The following UGGT2 variants were observed in gnomAD, a reference collection of about 807,000 sequenced individuals.
The protein encoded by UGGT2 is UDP-glucose:glycoprotein glucosyltransferase 2.
In UGGT2, 180 loss-of-function variants were observed where a neutral mutation model predicts 192.1. The ratio of observed to expected loss-of-function variants is 0.94; its 90% CI spans 0.83 to 1.06. UGGT2 has a LOEUF of 1.06. Among genes scored for constraint, UGGT2 ranks in the 50% least tolerant of loss-of-function variants. The pLI, the probability that UGGT2 is intolerant of heterozygous loss-of-function variation, is 0.00. For synonymous variants in UGGT2, 580 were observed against 591.0 expected, an observed-to-expected ratio of 0.98 and a Z score of 0.27; for missense variants, 1,849 against 1,795.7, an observed-to-expected ratio of 1.03 and a Z score of -0.54.
intron 12 of UGGT2, among the ~76,000 whole-genome samples, chr13:95,969,172 T>A (rs1479718832): frequency 6.6e-6 from 1 of 152,226 alleles, no homozygotes; most frequent in Non-Finnish European, 1.5e-5. Context: ...AATCTTGAAC[T>A]CAGGCTCAAG....
chr13:96,040,447 A>C (rs2053132326), intron 1 of UGGT2, among the ~76,000 whole-genome samples: 2 of 152,154 alleles, frequency 1.3e-5, no homozygotes, highest in Non-Finnish European at 2.9e-5. Flanking sequence ...CCATCTAGAT[A>C]ATCCAAGATG....
Position 95,885,532 on chromosome 13 carries a change from A to G in UGGT2, c.3039-852T>C, listed in dbSNP as rs529023975. Among the ~76,000 whole-genome samples, 67 of 152,322 alleles carry G rather than the reference A, an allele frequency of 4.4e-4. 1 individual carries two copies. Among genetic ancestry groups the G allele is most frequent in the African/African-American group, 1.6e-3 (66 of 41,584 alleles). On this transcript the variant is annotated intron_variant, in intron 26 of 38. Transcript: ENST00000376747. ...CAAGACAAAAGTCACAGTCTTTCAT[A>G]ACCTAATTGCAGAAGGGAAATTCCA...
intron 20 of UGGT2, among the ~76,000 whole-genome samples, chr13:95,920,891 C>A (rs1391993076): frequency 1.3e-5 from 2 of 152,048 alleles, no homozygotes; most frequent in African/African-American, 2.4e-5. Flanking sequence ...GATACAGGAA[C>A]GTGTATGTTC....
chr13:95,801,884 T>C, intron 38 of UGGT2, 72 bp from the exon 39 acceptor site: 2 of 1,572,224 alleles, frequency 1.3e-6, no homozygotes, highest in East Asian at 4.5e-5. Context: ...TACTTACATA[T>C]GATGAGGAAG....
chr13:95,836,033 T>C (rs1887240051), intron 37 of UGGT2, among the ~76,000 whole-genome samples: 1 of 152,098 alleles, frequency 6.6e-6, no homozygotes, highest in Non-Finnish European at 1.5e-5. Context: ...TTCAGCTAGC[T>C]CTCAGCCCTT....
At chr13:95,816,144 T>C (rs1566537799) in intron 38 of UGGT2, among the ~76,000 whole-genome samples, 1 of 152,346 alleles carries the variant, frequency 6.6e-6, no homozygotes, top group East Asian at 1.9e-4. Context: ...CTTTTCTTTA[T>C]AAATTACCCA....
chr13:95,955,699 G>A lies in UGGT2; in HGVS notation c.1336-6245C>T, dbSNP rs554659001. On this transcript the variant is annotated intron_variant, in intron 12 of 38. Coordinates refer to ENST00000376747, the MANE Select transcript of UGGT2 (RefSeq NM_020121.4). ...TGGGCAGTAGAGGGTTTGGTTAGAG[G>A]GTCAAGCCTCCCTAAGTTTTCAGTT... Among the ~76,000 whole-genome samples the A allele has an allele frequency of 1.7e-4, 26 of 152,182 alleles. No homozygotes were observed. In the South Asian group the frequency reaches 4.8e-3, roughly 28 times the overall value.
chr13:96,018,352 C>CA (rs1248455930), intron 4 of UGGT2, among the ~76,000 whole-genome samples: 2 of 151,962 alleles, frequency 1.3e-5, no homozygotes, highest in Non-Finnish European at 2.9e-5. Context: ...CCCGTCTCTA[C>CA]AAAAAATACA....
At chr13:95,841,244 T>C (rs956579882) in intron 36 of UGGT2, among the ~76,000 whole-genome samples, 55 of 152,140 alleles carry the variant, frequency 3.6e-4, no homozygotes, top group African/African-American at 1.1e-3. Flanking sequence ...AAAATAAAAA[T>C]AAACATGCTT....
intron 20 of UGGT2, among the ~76,000 whole-genome samples, chr13:95,916,005 G>T (rs2048671050): frequency 6.6e-6 from 1 of 152,186 alleles, no homozygotes; most frequent in African/African-American, 2.4e-5. Flanking sequence ...CAGTCTGGGT[G>T]AGAAATGATC....
chr13:95,993,440 C>T (rs1594529494), intron 7 of UGGT2, among the ~76,000 whole-genome samples: 1 of 151,962 alleles, frequency 6.6e-6, no homozygotes, highest in East Asian at 1.9e-4. Flanking sequence ...CCCAGTGTTC[C>T]ACGTGATCTT....
intron 38 of UGGT2, among the ~76,000 whole-genome samples, chr13:95,810,479 T>C (rs1401276934): frequency 1.3e-5 from 2 of 152,254 alleles, no homozygotes; most frequent in African/African-American, 2.4e-5. Context: ...AATAATAGAC[T>C]TGTGGATATT....
At chr13:95,838,852 T>C (rs1204691042) in intron 36 of UGGT2, among the ~76,000 whole-genome samples, 6 of 152,112 alleles carry the variant, frequency 3.9e-5, no homozygotes. Flanking sequence ...TTCAATTTCA[T>C]GGTGCCACTC....
intron 38 of UGGT2, among the ~76,000 whole-genome samples, chr13:95,807,029 T>A (rs1043586209): frequency 6.6e-6 from 1 of 152,152 alleles, no homozygotes; most frequent in South Asian, 2.1e-4. Context: ...CCCTGCACAG[T>A]TGAAAATCCA....
intron 36 of UGGT2, among the ~76,000 whole-genome samples, chr13:95,842,292 A>G (rs1467325981): frequency 6.6e-6 from 1 of 152,226 alleles, no homozygotes; most frequent in East Asian, 1.9e-4. Flanking sequence ...AGGATTATAT[A>G]ATACAAATAC....
At chr13:96,030,144 G>T (rs2052789806) in intron 2 of UGGT2, among the ~76,000 whole-genome samples, 1 of 152,154 alleles carries the variant, frequency 6.6e-6, no homozygotes, top group Admixed American at 6.5e-5. Context: ...ACTCATTTGT[G>T]TTCCCTACTC....
chr13:95,900,413 G>A (rs910771051), intron 22 of UGGT2, among the ~76,000 whole-genome samples: 2 of 152,066 alleles, frequency 1.3e-5, no homozygotes, highest in African/African-American at 4.8e-5. Flanking sequence ...AGTATCTAAT[G>A]CCATTTAACA....
At chr13:96,047,985 C>T (rs1410324337) in intron 1 of UGGT2, among the ~76,000 whole-genome samples, 3 of 152,110 alleles carry the variant, frequency 2.0e-5, no homozygotes, top group African/African-American at 7.2e-5. Flanking sequence ...ACCAAGCAGA[C>T]CTAATAGACA....
intron 12 of UGGT2, among the ~76,000 whole-genome samples, chr13:95,952,005 C>G (rs1011406806): frequency 6.6e-6 from 1 of 151,028 alleles, no homozygotes; most frequent in Non-Finnish European, 1.5e-5. Flanking sequence ...TTGTGGTAAG[C>G]TGAGATTGCA....
Sources: allele counts gnomAD v4.1 joint callset (sites outside exome capture counted in the v4.1 genomes callset), GRCh38; gene constraint gnomAD v4.1.1; transcripts MANE v1.5; gene names NCBI Gene and HGNC (gene_info 2026-07-23, HGNC 2026-07-21).